KCNAB1: variants seen among roughly 807,000 people sequenced by gnomAD.
KCNAB1 encodes the protein voltage-gated potassium channel subunit beta-1.
KCNAB1 carries 35 observed loss-of-function variants against 64.6 expected under a neutral mutation model. The ratio of observed to expected loss-of-function variants is 0.54; its 90% CI spans 0.41 to 0.72. KCNAB1 has a LOEUF of 0.72. KCNAB1 is among the 30% of genes least tolerant of loss of function. The pLI is 0.00. For synonymous variants in KCNAB1, 177 were observed against 183.8 expected, an observed-to-expected ratio of 0.96 and a Z score of 0.30; for missense variants, 401 against 512.9, an observed-to-expected ratio of 0.78 and a Z score of 2.11.
chr3:156,327,306 T>C (rs561803150), intron 1 of KCNAB1, among the ~76,000 whole-genome samples: 5 of 152,284 alleles, frequency 3.3e-5, no homozygotes, highest in South Asian at 4.1e-4. Context: ...CCAAATGCCT[T>C]GTCTTTGAGT....
At chr3:156,501,755 G>A (rs767944714) in intron 8 of KCNAB1, among the ~76,000 whole-genome samples, 2 of 152,084 alleles carry the variant, frequency 1.3e-5, no homozygotes, top group Non-Finnish European at 2.9e-5. Flanking sequence ...TAAAGATGCT[G>A]TATTAGTCCA....
At chr3:156,505,662 A>G (rs1040362448) in intron 8 of KCNAB1, among the ~76,000 whole-genome samples, 26 of 152,186 alleles carry the variant, frequency 1.7e-4, no homozygotes, top group Non-Finnish European at 1.5e-4. Context: ...TTGCATTGCT[A>G]TAAAGAAATA....
rs1713284904 is a variant in KCNAB1, at chr3:156,120,680, G to C, written c.69G>C (p.Gln23His). The C allele has an allele frequency of 6.2e-7, 1 of 1,614,158 alleles. No homozygotes were observed. ...ISEENTKLRR[Q>H]SGFSVAGKDK... ...AGGAGAACACCAAGTTAAGGAGACA[G>C]TCTGGGTTTTCTGTAGCAGGGAAAG... Residue 23 changes from glutamine (Q) to histidine (H), a missense_variant, in exon 1 of 14, where the codon CAG becomes CAC. Physicochemically the swap from Gln to His is conservative, Grantham distance 24. Transcript: ENST00000490337.
intron 1 of KCNAB1, among the ~76,000 whole-genome samples, chr3:156,339,955 A>G (rs1186091035): frequency 6.6e-6 from 1 of 152,250 alleles, no homozygotes; most frequent in Non-Finnish European, 1.5e-5. Flanking sequence ...GGTAGATCAT[A>G]ATATTTGTTC....
intron 8 of KCNAB1, among the ~76,000 whole-genome samples, chr3:156,504,832 A>C (rs1284643420): frequency 6.6e-6 from 1 of 151,304 alleles, no homozygotes; most frequent in Non-Finnish European, 1.5e-5. Flanking sequence ...ATAATTCACA[A>C]ATATTTTCTC....
chr3:156,388,154 A>T (rs1712751387), intron 1 of KCNAB1, among the ~76,000 whole-genome samples: 1 of 152,240 alleles, frequency 6.6e-6, no homozygotes, highest in African/African-American at 2.4e-5. Context: ...CTGTTAATTG[A>T]AATATGTATG....
At chr3:156,255,052 C>T (rs1718025989) in intron 1 of KCNAB1, among the ~76,000 whole-genome samples, 1 of 152,138 alleles carries the variant, frequency 6.6e-6, no homozygotes, top group Non-Finnish European at 1.5e-5. Context: ...ACGTGGGCTC[C>T]CTCTCTCCAC....
chr3:156,373,221 C>T (rs1410782036), intron 1 of KCNAB1, among the ~76,000 whole-genome samples: 1 of 152,176 alleles, frequency 6.6e-6, no homozygotes, highest in East Asian at 1.9e-4. Flanking sequence ...CCCAACACAA[C>T]AGGGCAAATC....
Position 156,325,252 on chromosome 3 carries a change from GTCTGAC to G in KCNAB1, c.276-96359_276-96354del, listed in dbSNP as rs145136138. ...AAAGCTGAGATCTAAACGCAATTTT[GTCTGAC>G]TCTGGGGCTCAAGCTCTTAAACTTT... On this transcript the variant is annotated intron_variant, in intron 1 of 13. Coordinates refer to ENST00000490337, the MANE Select transcript of KCNAB1 (RefSeq NM_172160.3). Among the ~76,000 whole-genome samples, 1,174 of 152,200 alleles carry G rather than the reference GTCTGAC, an allele frequency of 7.7e-3. 9 individuals carry two copies. The highest frequency in any genetic ancestry group is 0.027 in the African/African-American group (1,123 of 41,526).
intron 8 of KCNAB1, among the ~76,000 whole-genome samples, chr3:156,496,316 G>T (rs1716007565): frequency 6.6e-6 from 1 of 152,148 alleles, no homozygotes; most frequent in South Asian, 2.1e-4. Flanking sequence ...GGAGAGACCT[G>T]GTGGGAGGTG....
At chr3:156,372,275 C>CT (rs1253631423) in intron 1 of KCNAB1, among the ~76,000 whole-genome samples, 4 of 152,214 alleles carry the variant, frequency 2.6e-5, no homozygotes, top group African/African-American at 4.8e-5. Flanking sequence ...TGGCTTTGGC[C>CT]TTAGCACTGT....
intron 1 of KCNAB1, among the ~76,000 whole-genome samples, chr3:156,296,991 T>G (rs1361554518): frequency 6.6e-6 from 1 of 152,196 alleles, no homozygotes. Context: ...TTATTCCGAT[T>G]TTACCAGTTA....
intron 1 of KCNAB1, among the ~76,000 whole-genome samples, chr3:156,352,798 G>C (rs1001052522): frequency 6.6e-6 from 1 of 152,222 alleles, no homozygotes; most frequent in Non-Finnish European, 1.5e-5. Flanking sequence ...TGGGCAGAGG[G>C]TGTCAGCCTG....
intron 1 of KCNAB1, among the ~76,000 whole-genome samples, chr3:156,284,928 G>C (rs1004588034): frequency 1.3e-5 from 2 of 152,170 alleles, no homozygotes; most frequent in African/African-American, 4.8e-5. Flanking sequence ...ACCCGTCTTC[G>C]TCGCTCTTGC....
At chr3:156,244,050 A>T (rs538618655) in intron 1 of KCNAB1, among the ~76,000 whole-genome samples, 1 of 152,204 alleles carries the variant, frequency 6.6e-6, no homozygotes, top group Non-Finnish European at 1.5e-5. Flanking sequence ...TACTCCATCC[A>T]CACCCATGCT....
At chr3:156,179,246 A>G (rs1287505505) in intron 1 of KCNAB1, among the ~76,000 whole-genome samples, 2 of 152,078 alleles carry the variant, frequency 1.3e-5, no homozygotes, top group African/African-American at 4.8e-5. Flanking sequence ...GATTTAAGAA[A>G]AGGGTTTATA....
intron 1 of KCNAB1, among the ~76,000 whole-genome samples, chr3:156,206,723 C>T (rs1384117296): frequency 1.3e-5 from 2 of 152,108 alleles, no homozygotes; most frequent in Non-Finnish European, 2.9e-5. Context: ...ATTCAGTAAG[C>T]GTTTATGAAA....
intron 2 of KCNAB1, among the ~76,000 whole-genome samples, chr3:156,438,741 C>T (rs376335161): frequency 3.3e-5 from 5 of 152,078 alleles, no homozygotes; most frequent in Admixed American, 1.3e-4. Flanking sequence ...GCTGACCGGG[C>T]GTGGTGGCTC....
chr3:156,279,131 A>C lies in KCNAB1; in HGVS notation c.276-142485A>C, dbSNP rs868094204. Among the ~76,000 whole-genome samples the C allele has an allele frequency of 6.5e-3, 677 of 103,888 alleles. 5 individuals are homozygous for C. Among genetic ancestry groups the C allele is most frequent in the African/African-American group, 0.024 (640 of 26,928 alleles). The allele number at this position is 103,888 out of a possible 152,430, so 68.2% of individuals were successfully genotyped here. A position where few individuals can be genotyped will look rare whatever the true frequency, so the allele number is the denominator to read the frequency against. On this transcript the variant is annotated intron_variant, in intron 1 of 13. Transcript: ENST00000490337. ...TCCCTCCCCCCTCCCACCACCCCAC[A>C]ACAGTCCCCAGAGTGTGATATTCCC...
Sources: allele counts gnomAD v4.1 joint callset (sites outside exome capture counted in the v4.1 genomes callset), GRCh38; gene constraint gnomAD v4.1.1; transcripts MANE v1.5; gene names NCBI Gene and HGNC (gene_info 2026-07-23, HGNC 2026-07-21).